TENM2: variants seen among roughly 807,000 people sequenced by gnomAD.
The protein encoded by TENM2 is teneurin-2.
Under a neutral mutation model 245.2 loss-of-function variants are expected in TENM2, and 52 were observed. The ratio of observed to expected loss-of-function variants is 0.21; its 90% confidence interval spans 0.17 to 0.27. The LOEUF is 0.27. Ranked by LOEUF, TENM2 falls within the 10% of genes least tolerant of loss-of-function variation. The pLI is 1.00. For missense variants in TENM2, 3,046 were observed against 3,666.8 expected (o/e 0.83, Z 4.37); for synonymous variants, 1,363 against 1,438.9 (o/e 0.95, Z 1.19).
chr5:167,479,910 G>A (rs1767651558), intron 2 of TENM2, among the ~76,000 whole-genome samples: 1 of 152,182 alleles, frequency 6.6e-6, no homozygotes, highest in Admixed American at 6.5e-5. Context: ...TTTAATGCAT[G>A]ACTGTTTGAA....
chr5:168,006,009 T>C (rs1296833656), intron 5 of TENM2, among the ~76,000 whole-genome samples: 1 of 152,186 alleles, frequency 6.6e-6, no homozygotes, highest in African/African-American at 2.4e-5. Context: ...CATCGGCTTC[T>C]ACAGAACAAG....
intron 2 of TENM2, among the ~76,000 whole-genome samples, chr5:167,648,317 A>G (rs1490338385): frequency 6.6e-6 from 1 of 152,230 alleles, no homozygotes; most frequent in African/African-American, 2.4e-5. Context: ...AAAAGTATAC[A>G]CACAGAAAAC....
chr5:167,901,758 T>G (rs1775722472), intron 3 of TENM2, among the ~76,000 whole-genome samples: 1 of 152,204 alleles, frequency 6.6e-6, no homozygotes, highest in Admixed American at 6.5e-5. Context: ...TCGCAATTTT[T>G]AAAAATCTAC....
At chr5:167,582,792 G>A in intron 2 of TENM2, among the ~76,000 whole-genome samples, 1 of 152,008 alleles carries the variant, frequency 6.6e-6, no homozygotes, top group East Asian at 1.9e-4. Context: ...GAACAAAAAG[G>A]TAATTTGTTT....
chr5:167,740,487 A>C (rs901865923), intron 2 of TENM2, among the ~76,000 whole-genome samples: 51 of 152,080 alleles, frequency 3.4e-4, no homozygotes, highest in African/African-American at 1.1e-3. Context: ...CTTTCTATAT[A>C]ATTTCAATTC....
chr5:167,221,273 G>C, the TENM2 span, among the ~76,000 whole-genome samples: 1 of 152,108 alleles, frequency 6.6e-6, no homozygotes, highest in South Asian at 2.1e-4. Context: ...CAAAGTAAAT[G>C]GTAAGCATGT....
At chr5:167,963,019 G>A (rs1667844280) in intron 4 of TENM2, among the ~76,000 whole-genome samples, 1 of 152,276 alleles carries the variant, frequency 6.6e-6, no homozygotes, top group African/African-American at 2.4e-5. Context: ...TCCCATTAAA[G>A]ATCGTCCAAC....
intron 1 of TENM2, among the ~76,000 whole-genome samples, chr5:167,357,900 A>T (rs542565629): frequency 2.6e-5 from 4 of 151,988 alleles, no homozygotes; most frequent in Admixed American, 6.5e-5. Context: ...CCATCCACAC[A>T]CTCCCAGCTT....
chr5:167,743,578 A>G (rs550988555), intron 2 of TENM2, among the ~76,000 whole-genome samples: 2 of 152,320 alleles, frequency 1.3e-5, no homozygotes, highest in Admixed American at 1.3e-4. Flanking sequence ...AGAACACAAT[A>G]TGCAATGGCA....
chr5:167,284,643 G>T (rs148841430), upstream of TENM2, among the ~76,000 whole-genome samples: 42 of 152,300 alleles, frequency 2.8e-4, 1 homozygote, highest in African/African-American at 9.1e-4. Flanking sequence ...TTGCAAAAGA[G>T]ATTGTGCAGG....
At chr5:166,987,423 G>GTT in the TENM2 span, among the ~76,000 whole-genome samples, 5 of 39,880 alleles carry the variant, frequency 1.3e-4, no homozygotes, top group African/African-American at 2.5e-4. Flanking sequence ...TAGTAAGGGT[G>GTT]TGTGTGTGTG....
At chr5:167,519,723 A>T (rs1770627953) in intron 2 of TENM2, among the ~76,000 whole-genome samples, 1 of 152,184 alleles carries the variant, frequency 6.6e-6, no homozygotes, top group African/African-American at 2.4e-5. Flanking sequence ...CACTTTGGCT[A>T]GATGTCAAAA....
chr5:167,141,681 T>G, the TENM2 span, among the ~76,000 whole-genome samples: 1 of 152,344 alleles, frequency 6.6e-6, no homozygotes, highest in Non-Finnish European at 1.5e-5. Context: ...CTTCAATGTT[T>G]GAACATTGCT....
At chr5:167,202,591 C>A in the TENM2 span, among the ~76,000 whole-genome samples, 1 of 152,192 alleles carries the variant, frequency 6.6e-6, no homozygotes, top group Non-Finnish European at 1.5e-5. Flanking sequence ...TGAATAGATT[C>A]TCCTGCTCCC....
intron 2 of TENM2, among the ~76,000 whole-genome samples, chr5:167,769,802 C>A (rs1052724326): frequency 6.6e-6 from 1 of 152,074 alleles, no homozygotes; most frequent in African/African-American, 2.4e-5. Context: ...CCTATGAATA[C>A]AAGGATTGTG....
At chr5:168,231,897 A>G (rs905608222) in intron 25 of TENM2, among the ~76,000 whole-genome samples, 4 of 151,364 alleles carry the variant, frequency 2.6e-5, no homozygotes, top group African/African-American at 9.7e-5. Context: ...GGAGTTGGAG[A>G]CCAGCCTGGG....
the TENM2 span, among the ~76,000 whole-genome samples, chr5:167,111,817 G>T: frequency 5.3e-5 from 8 of 152,256 alleles, no homozygotes; most frequent in Middle Eastern, 3.4e-3. Context: ...TACAATTATT[G>T]AGTGAATCTG....
intron 2 of TENM2, among the ~76,000 whole-genome samples, chr5:167,697,852 A>G (rs958635893): frequency 6.6e-6 from 1 of 152,156 alleles, no homozygotes; most frequent in Non-Finnish European, 1.5e-5. Flanking sequence ...AGTCAAATTT[A>G]TATTTCATAA....
intron 2 of TENM2, among the ~76,000 whole-genome samples, chr5:167,439,499 A>G (rs1359300997): frequency 1.3e-5 from 2 of 152,210 alleles, no homozygotes; most frequent in Non-Finnish European, 2.9e-5. Context: ...AACTAGAATA[A>G]CAATGCCAAT....
Sources: gnomAD v4.1 joint callset for allele counts (sites outside exome capture counted in the v4.1 genomes callset) on GRCh38, gnomAD v4.1.1 for gene constraint, MANE v1.5 for transcripts, NCBI Gene and HGNC (gene_info 2026-07-23, HGNC 2026-07-21) for gene names.